CSMD3: variants seen among roughly 807,000 people sequenced by gnomAD.
The protein encoded by CSMD3 is CUB and sushi domain-containing protein 3.
Under a neutral mutation model 435.2 loss-of-function variants are expected in CSMD3, and 177 were observed. The ratio of observed to expected loss-of-function variants is 0.41; its 90% CI spans 0.36 to 0.46. CSMD3 has a LOEUF of 0.46. CSMD3 is among the 20% of genes least tolerant of loss of function. The probability of loss-of-function intolerance (pLI) is 0.34; values close to 1 mark genes in which losing one functional copy is unlikely to be tolerated. For synonymous variants in CSMD3, 1,656 were observed against 1,520.5 expected (o/e 1.09, Z -2.07); for missense variants, 4,265 against 4,504.6 (o/e 0.95, Z 1.52).
intron 10 of CSMD3, among the ~76,000 whole-genome samples, chr8:112,913,653 C>T (rs1036961344): frequency 2.0e-5 from 3 of 151,650 alleles, no homozygotes; most frequent in Non-Finnish European, 4.4e-5. Flanking sequence ...TCACTCACCC[C>T]TCTCCCTCTG....
In CSMD3 at chr8:112,587,079, C is replaced by T. The variant is rs2131352879; in HGVS notation, c.3872G>A (p.Gly1291Glu). ...ISARTFHLAQ[G>E]DVLKIYDGKD... ...GAGTTCACCTACCTTAAGAACATCT[C>T]CTTGTGCTAAATGAAATGTTCTGGC... is the stretch of plus-strand genomic sequence containing the variant. Residue 1291 changes from glycine (G) to glutamate (E), a missense_variant, in exon 23 of 71, where the codon GGA becomes GAA. By Grantham distance (98) the Gly-to-Glu change is moderately conservative. Coordinates refer to ENST00000297405, the MANE Select transcript of CSMD3 (RefSeq NM_198123.2). 1 of 1,610,168 alleles carries T rather than the reference C, an allele frequency of 6.2e-7. No homozygotes were observed.
chr8:112,986,443 G>A (rs1353990708), intron 6 of CSMD3, among the ~76,000 whole-genome samples: 1 of 151,990 alleles, frequency 6.6e-6, no homozygotes, highest in Non-Finnish European at 1.5e-5. Context: ...ACATCACAAG[G>A]ACATCTAGGC....
chr8:112,991,996 G>A (rs954820671), intron 6 of CSMD3, among the ~76,000 whole-genome samples: 4 of 151,760 alleles, frequency 2.6e-5, no homozygotes, highest in African/African-American at 9.7e-5. Context: ...GTGAGGTCCT[G>A]TAATGAGTAA....
At chr8:112,426,369 C>G (rs529990260) in intron 32 of CSMD3, among the ~76,000 whole-genome samples, 15 of 152,136 alleles carry the variant, frequency 9.9e-5, no homozygotes, top group South Asian at 2.1e-4. Flanking sequence ...TAAACATAGT[C>G]ATGTTTAATT....
chr8:113,035,941 G>A (rs1335150261), intron 5 of CSMD3, among the ~76,000 whole-genome samples: 2 of 151,768 alleles, frequency 1.3e-5, no homozygotes, highest in Non-Finnish European at 2.9e-5. Context: ...GCCCATAATT[G>A]CATTCTCAAT....
At chr8:112,287,339 T>G in intron 57 of CSMD3, 93 bp from the exon 58 acceptor site, 3 of 1,161,700 alleles carry the variant, frequency 2.6e-6, no homozygotes, top group Non-Finnish European at 3.9e-6. Context: ...TTTGTTTTTG[T>G]GCATGCGGTG....
chr8:113,243,296 TACATTAAGGGAAATGTC>T (rs1308952917), intron 3 of CSMD3, among the ~76,000 whole-genome samples: 1 of 152,006 alleles, frequency 6.6e-6, no homozygotes, highest in African/African-American at 2.4e-5. Context: ...TGACTGTTGG[TACATTAAGGGAAATGTC>T]ACTGCTATCT....
chr8:113,425,726 CG>C (rs1376554845), intron 1 of CSMD3, among the ~76,000 whole-genome samples: 1 of 151,212 alleles, frequency 6.6e-6, no homozygotes, highest in Non-Finnish European at 1.5e-5. Flanking sequence ...GATTTAAAGA[CG>C]AAAGTTTTTT....
chr8:112,842,080 G>A (rs1242379259), intron 11 of CSMD3, among the ~76,000 whole-genome samples: 1 of 151,732 alleles, frequency 6.6e-6, no homozygotes, highest in Non-Finnish European at 1.5e-5. Flanking sequence ...GGTAACACAG[G>A]TATAATATCA....
intron 14 of CSMD3, among the ~76,000 whole-genome samples, chr8:112,687,345 TTA>T (rs1420358561): frequency 6.6e-6 from 1 of 152,086 alleles, no homozygotes; most frequent in African/African-American, 2.4e-5. Context: ...TTTTAAAAAA[TTA>T]TCTGCTCATA....
intron 32 of CSMD3, among the ~76,000 whole-genome samples, chr8:112,434,236 T>C (rs1286267555): frequency 2.6e-5 from 4 of 152,312 alleles, no homozygotes; most frequent in South Asian, 4.1e-4. Context: ...CCTTATTCAA[T>C]TGATATAAAT....
intron 3 of CSMD3, among the ~76,000 whole-genome samples, chr8:113,180,669 T>G (rs541533173): frequency 1.3e-5 from 2 of 152,178 alleles, no homozygotes; most frequent in Non-Finnish European, 1.5e-5. Flanking sequence ...AATTAAATGT[T>G]TAAATACAAA....
intron 31 of CSMD3, among the ~76,000 whole-genome samples, chr8:112,482,706 G>T (rs555749462): frequency 8.5e-5 from 13 of 152,292 alleles, no homozygotes; most frequent in African/African-American, 1.7e-4. Flanking sequence ...ACTATTTAAA[G>T]AAATTACTTA....
Position 112,897,686 on chromosome 8 carries a change from C to CTG in CSMD3, c.1633+23940_1633+23941insCA, listed in dbSNP as rs1363499348. On this transcript the variant is annotated intron_variant, in intron 10 of 70. Transcript: ENST00000297405. ...TATTTCTCTCTCTCTCTCTCTCTCT[C>CTG]TCTCTCTCTGTGTGTGTGTGTGTGT... Among the ~76,000 whole-genome samples the CTG allele has an allele frequency of 2.6e-3, 229 of 89,082 alleles. 1 individual carries two copies. The highest frequency in any genetic ancestry group is 8.9e-3 in the African/African-American group (217 of 24,494). 58.4% of individuals were successfully genotyped at this position (89,082 alleles called of 152,430 possible).
intron 6 of CSMD3, among the ~76,000 whole-genome samples, chr8:112,982,408 T>C (rs535249236): frequency 1.4e-4 from 22 of 152,082 alleles, no homozygotes; most frequent in African/African-American, 2.6e-4. Context: ...TCTACATCTT[T>C]GTACAACCAT....
At chr8:113,430,271 T>A (rs1375600084) in intron 1 of CSMD3, among the ~76,000 whole-genome samples, 1 of 152,210 alleles carries the variant, frequency 6.6e-6, no homozygotes, top group African/African-American at 2.4e-5. Context: ...TGCATGTGCA[T>A]GTTTATTTGA....
At chr8:112,742,943 T>C (rs1203580232) in intron 13 of CSMD3, among the ~76,000 whole-genome samples, 1 of 151,952 alleles carries the variant, frequency 6.6e-6, no homozygotes, top group Non-Finnish European at 1.5e-5. Flanking sequence ...TCATTTTTGG[T>C]TTAGTGCTTT....
chr8:112,476,912 A>T (rs1006534468), intron 31 of CSMD3, among the ~76,000 whole-genome samples: 3 of 152,144 alleles, frequency 2.0e-5, no homozygotes, highest in Non-Finnish European at 2.9e-5. Flanking sequence ...TCCACTCATC[A>T]CCACAAGTTC....
Position 112,298,187 on chromosome 8 carries a change from C to T in CSMD3, c.8441-2181G>A, listed in dbSNP as rs190479707. Among the ~76,000 whole-genome samples, 22 of 151,838 alleles carry T rather than the reference C, an allele frequency of 1.4e-4. No individual in the cohort carries two copies. The East Asian group carries it at 4.1e-3, about 28-fold the overall frequency. ...CCCAAACTGATGAAAGGATTCAATC[C>T]CACCAGAATCTCTTTGTAGAGTTTC... On this transcript the variant is annotated intron_variant, in intron 53 of 70. Coordinates refer to ENST00000297405, the MANE Select transcript of CSMD3 (RefSeq NM_198123.2).
Sources: gnomAD v4.1 joint callset for allele counts (sites outside exome capture counted in the v4.1 genomes callset) on GRCh38, gnomAD v4.1.1 for gene constraint, MANE v1.5 for transcripts, NCBI Gene and HGNC (gene_info 2026-07-23, HGNC 2026-07-21) for gene names.